Variants in CDH8 observed in about 807,000 individuals in gnomAD.
CDH8 encodes the protein cadherin-8.
CDH8 carries 17 observed loss-of-function variants against 68.1 expected under a neutral mutation model. The ratio of observed to expected loss-of-function variants is 0.25; its 90% CI spans 0.17 to 0.37. The LOEUF is 0.37. Ranked by LOEUF, CDH8 falls within the 10% of genes least tolerant of loss-of-function variation. The probability of loss-of-function intolerance (pLI) is 1.00; values close to 1 mark genes in which losing one functional copy is unlikely to be tolerated. For missense variants in CDH8, 763 were observed against 999.3 expected (o/e 0.76, Z 3.19); for synonymous variants, 372 against 365.1 (o/e 1.02, Z -0.21).
intron 10 of CDH8, among the ~76,000 whole-genome samples, chr16:61,674,060 G>A (rs1387396859): frequency 1.3e-5 from 2 of 152,082 alleles, no homozygotes; most frequent in Admixed American, 6.5e-5. Flanking sequence ...AACACTTGAG[G>A]TTTGACTATG....
In CDH8 at chr16:61,871,815, C is replaced by CAAAAAAAAA. The variant is rs144379377; in HGVS notation, c.548-14586_548-14578dup. Reference sequence around the variant, plus strand: ...TTGCTATGCTCTATTGTTCTATATGCAAAAAAAAAAAAAAAAAAAAAAAAA... The same window carrying CAAAAAAAAA: ...TTGCTATGCTCTATTGTTCTATATGCAAAAAAAAAAAAAAAAAAAAAAAAAAAAAAAAAA... On this transcript the variant is annotated intron_variant, in intron 3 of 11. Coordinates refer to ENST00000577390, the MANE Select transcript of CDH8 (RefSeq NM_001796.5). Among the ~76,000 whole-genome samples the CAAAAAAAAA allele has an allele frequency of 3.5e-4, 15 of 43,344 alleles. 1 individual carries two copies. Among genetic ancestry groups the CAAAAAAAAA allele is most frequent in the Non-Finnish European group, 4.8e-4 (12 of 24,828 alleles). 28.4% of individuals were successfully genotyped at this position (43,344 alleles called of 152,430 possible). A position where few individuals can be genotyped will look rare whatever the true frequency, so the allele number is the denominator to read the frequency against.
chr16:61,950,868 A>T (rs764960090), intron 2 of CDH8, among the ~76,000 whole-genome samples: 1 of 152,108 alleles, frequency 6.6e-6, no homozygotes, highest in Non-Finnish European at 1.5e-5. Context: ...TAAAGAAGGG[A>T]ACAAAAGGCA....
chr16:61,968,087 T>A (rs920365124), intron 2 of CDH8, among the ~76,000 whole-genome samples: 2 of 152,150 alleles, frequency 1.3e-5, no homozygotes, highest in Non-Finnish European at 2.9e-5. Context: ...TGGGATTACA[T>A]AAGCAACCGG....
Position 62,021,505 on chromosome 16 carries a change from T to C in CDH8, c.-102A>G. 6.6e-7 allele frequency: 1 copy of C among 1,508,614 alleles called. No homozygotes were observed. The highest frequency in any genetic ancestry group is 8.8e-7 in the Non-Finnish European group (1 of 1,133,628). The allele number at this position is 1,508,614 out of a possible 1,614,324, so 93.5% of individuals were successfully genotyped here. A position where few individuals can be genotyped will look rare whatever the true frequency, so the allele number is the denominator to read the frequency against. On this transcript the variant is annotated 5_prime_UTR_variant, in exon 2 of 12. Coordinates refer to ENST00000577390, the MANE Select transcript of CDH8 (RefSeq NM_001796.5). ...CATCATGCAGTGCCGAGCATTTACTTACAGCTCTGCCACGTGTCTATAGCA... is the reference window on the plus strand; with the variant it reads ...CATCATGCAGTGCCGAGCATTTACTCACAGCTCTGCCACGTGTCTATAGCA...
chr16:61,996,369 C>A (rs1323220068), intron 2 of CDH8, among the ~76,000 whole-genome samples: 1 of 152,194 alleles, frequency 6.6e-6, no homozygotes, highest in Admixed American at 6.5e-5. Context: ...ATGAATGCAA[C>A]TAAAAATTAT....
intron 2 of CDH8, among the ~76,000 whole-genome samples, chr16:61,943,609 T>C (rs1597080894): frequency 6.6e-6 from 1 of 152,228 alleles, no homozygotes; most frequent in East Asian, 1.9e-4. Context: ...AGAACTGGGT[T>C]TATTCAGACA....
chr16:61,779,620 G>T (rs1057232840), intron 8 of CDH8, among the ~76,000 whole-genome samples: 4 of 152,052 alleles, frequency 2.6e-5, no homozygotes, highest in African/African-American at 9.7e-5. Flanking sequence ...TCAATGGTCT[G>T]CTTTGAAAAA....
intron 4 of CDH8, among the ~76,000 whole-genome samples, chr16:61,838,447 T>C (rs923534060): frequency 6.6e-6 from 1 of 152,150 alleles, no homozygotes; most frequent in South Asian, 2.1e-4. Context: ...TGTCAAGCTT[T>C]AGGCTTGGTG....
chr16:61,778,714 GT>G (rs999691610), intron 8 of CDH8, among the ~76,000 whole-genome samples: 46 of 152,048 alleles, frequency 3.0e-4, no homozygotes, highest in Admixed American at 1.1e-3. Context: ...AATCATTTCC[GT>G]TCACAGACGA....
At chr16:61,878,354 G>A (rs1963502758) in intron 3 of CDH8, among the ~76,000 whole-genome samples, 1 of 152,124 alleles carries the variant, frequency 6.6e-6, no homozygotes, top group Admixed American at 6.5e-5. Flanking sequence ...TTGTTATCTT[G>A]AAAAAATAAT....
rs1192339715 is a variant in CDH8, at chr16:61,981,679, TGTGC to T, written c.252+39469_252+39472del. ...GTGTGTGTGTGTGTGTGTGTGTGTG[TGTGC>T]GCGCGCGCGCGTGCGCTTGGGGCAG... On this transcript the variant is annotated intron_variant, in intron 2 of 11. Coordinates refer to ENST00000577390, the MANE Select transcript of CDH8 (RefSeq NM_001796.5). Among the ~76,000 whole-genome samples the T allele has an allele frequency of 3.7e-3, 552 of 148,218 alleles. 5 individuals are homozygous for T. Among genetic ancestry groups the T allele is most frequent in the African/African-American group, 0.012 (487 of 38,984 alleles).
intron 4 of CDH8, among the ~76,000 whole-genome samples, chr16:61,846,285 T>G (rs1459907262): frequency 1.3e-5 from 2 of 152,124 alleles, no homozygotes; most frequent in Non-Finnish European, 2.9e-5. Flanking sequence ...TTTATGACAC[T>G]TTGGATAATA....
intron 2 of CDH8, among the ~76,000 whole-genome samples, chr16:61,965,376 C>T (rs551233621): frequency 1.6e-4 from 24 of 152,298 alleles, no homozygotes; most frequent in Admixed American, 1.2e-3. Context: ...GCTGGGATCA[C>T]GTCCACTGCT....
chr16:61,822,908 T>C (rs910424291), intron 5 of CDH8, among the ~76,000 whole-genome samples: 4 of 151,980 alleles, frequency 2.6e-5, no homozygotes, highest in African/African-American at 9.7e-5. Flanking sequence ...TCCTCATCTC[T>C]ATCAGTGTGA....
intron 4 of CDH8, among the ~76,000 whole-genome samples, chr16:61,853,744 T>C (rs1475539622): frequency 6.6e-6 from 1 of 152,132 alleles, no homozygotes; most frequent in Non-Finnish European, 1.5e-5. Flanking sequence ...ATTTTCTTTC[T>C]TTTACTAGAA....
At chr16:61,968,338 C>A (rs1194425415) in intron 2 of CDH8, among the ~76,000 whole-genome samples, 1 of 152,030 alleles carries the variant, frequency 6.6e-6, no homozygotes, top group East Asian at 1.9e-4. Context: ...CAAGTTTTTC[C>A]CACTCTTTCA....
intron 8 of CDH8, among the ~76,000 whole-genome samples, chr16:61,742,291 G>A (rs1188739840): frequency 6.6e-6 from 1 of 152,000 alleles, no homozygotes; most frequent in Non-Finnish European, 1.5e-5. Context: ...TGTTGATTGT[G>A]AGTAATGACA....
At chr16:61,779,955 G>A (rs1961004420) in intron 8 of CDH8, among the ~76,000 whole-genome samples, 1 of 152,104 alleles carries the variant, frequency 6.6e-6, no homozygotes, top group African/African-American at 2.4e-5. Flanking sequence ...AGGTGTTTAA[G>A]GACATATATT....
intron 2 of CDH8, among the ~76,000 whole-genome samples, chr16:61,944,767 C>A (rs1964775022): frequency 6.6e-6 from 1 of 152,026 alleles, no homozygotes; most frequent in Admixed American, 6.6e-5. Context: ...CATAGTTAGA[C>A]CCTATCTCCA....
Sources: gnomAD v4.1 joint callset for allele counts (sites outside exome capture counted in the v4.1 genomes callset) on GRCh38, gnomAD v4.1.1 for gene constraint, MANE v1.5 for transcripts, NCBI Gene and HGNC (gene_info 2026-07-23, HGNC 2026-07-21) for gene names.